Variants in TTLL7 observed in about 807,000 individuals in gnomAD.
TTLL7 encodes tubulin tyrosine ligase like 7, also known as tubulin polyglutamylase TTLL7.
Under a neutral mutation model 120.2 loss-of-function variants are expected in TTLL7, and 53 were observed. The ratio of observed to expected loss-of-function variants is 0.44; its 90% CI spans 0.35 to 0.55. The LOEUF (loss-of-function observed/expected upper bound fraction) is 0.55. Among genes scored for constraint, TTLL7 ranks in the 20% least tolerant of loss-of-function variants. TTLL7 has a pLI of 0.00. For missense variants in TTLL7, 803 were observed against 1,054.7 expected (o/e 0.76, Z 3.31); for synonymous variants, 353 against 351.7 (o/e 1.00, Z -0.04).
At chr1:83,890,273 T>C in intron 19 of TTLL7, 48 bp downstream of exon 19, 1 of 1,530,126 alleles carries the variant, frequency 6.5e-7, no homozygotes, top group South Asian at 1.3e-5. Flanking sequence ...TATAACTAAA[T>C]AGTAAAATAT....
At chr1:83,949,705 T>C in intron 4 of TTLL7, 160 bp downstream of exon 4, 1 of 680,794 alleles carries the variant, frequency 1.5e-6, no homozygotes, top group Non-Finnish European at 2.4e-6. Flanking sequence ...GCAGGCTTCA[T>C]GCAAAGAGCC....
intron 18 of TTLL7, among the ~76,000 whole-genome samples, chr1:83,900,836 T>C (rs1656659326): frequency 6.6e-6 from 1 of 152,064 alleles, no homozygotes; most frequent in African/African-American, 2.4e-5. Context: ...TTCTGTCTAA[T>C]AGCATAGCAA....
chr1:83,923,665 T>G (rs888720655), intron 10 of TTLL7, among the ~76,000 whole-genome samples: 1 of 152,170 alleles, frequency 6.6e-6, no homozygotes, highest in Non-Finnish European at 1.5e-5. Context: ...TTTCTGGCCC[T>G]TAGGAATATT....
At position 83,918,567 on chromosome 1, in the gene TTLL7, T is replaced by G. The variant is rs531606027; in HGVS notation, c.1501-877A>C. On this transcript the variant is annotated intron_variant, in intron 13 of 20. Coordinates refer to ENST00000260505, the MANE Select transcript of TTLL7 (RefSeq NM_024686.6). ...ATCCCAAAATACTCTTATTATACAT[T>G]TTTTATTAAATAATAATCTTACAAT... is the stretch of plus-strand genomic sequence containing the variant. Among the ~76,000 whole-genome samples, 3 of 152,272 alleles carry G rather than the reference T, an allele frequency of 2.0e-5. No individual in the cohort carries two copies. In the South Asian group the frequency reaches 6.2e-4, roughly 32 times the overall value.
chr1:83,979,859 T>C (rs1651803322), intron 1 of TTLL7: 1 of 152,208 alleles, frequency 6.6e-6, no homozygotes, highest in African/African-American at 2.4e-5. Context: ...CTTGCAGGAC[T>C]TGCTTATGGC....
chr1:83,957,279 C>G (rs1393343657), intron 1 of TTLL7, among the ~76,000 whole-genome samples: 1 of 152,160 alleles, frequency 6.6e-6, no homozygotes, highest in Non-Finnish European at 1.5e-5. Flanking sequence ...CCTTCTCCAG[C>G]AACCCTCAAT....
chr1:83,890,203 CATGCA>C (rs1655345229), intron 19 of TTLL7, 113 bp downstream of exon 19: 3 of 1,006,744 alleles, frequency 3.0e-6, no homozygotes, highest in Non-Finnish European at 4.3e-6. Context: ...CTAAACATTA[CATGCA>C]GTAAAAGAAA....
intron 1 of TTLL7, among the ~76,000 whole-genome samples, chr1:83,991,914 TG>T (rs1653038616): frequency 2.6e-5 from 4 of 152,162 alleles, no homozygotes; most frequent in Admixed American, 1.3e-4. Flanking sequence ...TCTAAGTCCT[TG>T]TAGGTTCTAA....
At chr1:83,970,004 CAT>C (rs1271170850) in intron 1 of TTLL7, among the ~76,000 whole-genome samples, 4 of 152,004 alleles carry the variant, frequency 2.6e-5, no homozygotes, top group East Asian at 1.9e-4. Flanking sequence ...ACCTGCTTCA[CAT>C]GTCACAATTT....
In TTLL7 at chr1:83,865,042, C is replaced by CT. The variant is rs1460956188; in HGVS notation, c.*4919dup. On this transcript the variant is annotated 3_prime_UTR_variant, in exon 21 of 21. Transcript: ENST00000260505. ...CATATTGTAGCTTTCTTAGGTTAAACTTTTTTATTATAGTAATGTATCAGA... is the reference window on the plus strand; with the variant it reads ...CATATTGTAGCTTTCTTAGGTTAAACTTTTTTTATTATAGTAATGTATCAGA... 6.7e-6 allele frequency: 1 copy of CT among 148,358 alleles called. No homozygotes were observed. Among genetic ancestry groups the CT allele is most frequent in the Admixed American group, 6.8e-5 (1 of 14,742 alleles). The allele number at this position is 148,358 out of a possible 1,614,324, so 9.2% of individuals were successfully genotyped here. A position where few individuals can be genotyped will look rare whatever the true frequency, so the allele number is the denominator to read the frequency against.
At chr1:83,887,158 CAG>C in intron 19 of TTLL7, 1 of 928,442 alleles carries the variant, frequency 1.1e-6, no homozygotes, top group Admixed American at 4.8e-5. Context: ...TGGAGGTAGA[CAG>C]GGGATGGTTT....
chr1:83,929,258 G>T, intron 9 of TTLL7, 28 bp from the exon 10 acceptor site: 1 of 1,519,418 alleles, frequency 6.6e-7, no homozygotes, highest in Non-Finnish European at 9.1e-7. Flanking sequence ...GACAATATTG[G>T]AAGGTAAATA....
At chr1:83,928,772 T>C (rs1242645099) in intron 10 of TTLL7, among the ~76,000 whole-genome samples, 1 of 152,098 alleles carries the variant, frequency 6.6e-6, no homozygotes, top group East Asian at 1.9e-4. Context: ...GAGGGTCTCT[T>C]AAAGTATTTA....
chr1:83,972,249 C>T (rs1651060591), intron 1 of TTLL7, among the ~76,000 whole-genome samples: 1 of 152,060 alleles, frequency 6.6e-6, no homozygotes, highest in African/African-American at 2.4e-5. Flanking sequence ...ATTATCTGTA[C>T]TCTGTCTGTT....
chr1:83,893,056 A>G (rs1471807469), intron 18 of TTLL7, among the ~76,000 whole-genome samples: 2 of 151,752 alleles, frequency 1.3e-5, no homozygotes, highest in African/African-American at 2.4e-5. Context: ...TATAATAACT[A>G]CCTGGGAAAT....
At chr1:83,900,681 G>A (rs1404131023) in intron 18 of TTLL7, among the ~76,000 whole-genome samples, 3 of 151,966 alleles carry the variant, frequency 2.0e-5, no homozygotes, top group Non-Finnish European at 4.4e-5. Flanking sequence ...GAATGCTTAT[G>A]TACAAAAATC....
At chr1:83,982,387 A>G (rs1297509051) in intron 1 of TTLL7, among the ~76,000 whole-genome samples, 2 of 152,108 alleles carry the variant, frequency 1.3e-5, no homozygotes, top group African/African-American at 2.4e-5. Flanking sequence ...AAAAAATCCA[A>G]AGTAGACAGA....
intron 15 of TTLL7, among the ~76,000 whole-genome samples, chr1:83,909,386 C>T (rs998720942): frequency 6.9e-6 from 1 of 145,758 alleles, no homozygotes; most frequent in African/African-American, 2.5e-5. Context: ...ACTTGCATAT[C>T]CCTTTGAAGC....
At chr1:83,880,192 C>T (rs940989816) in intron 20 of TTLL7, 4 of 152,004 alleles carry the variant, frequency 2.6e-5, no homozygotes, top group Admixed American at 6.6e-5. Context: ...CAATAATTTG[C>T]TTCAGTGAAA....
Sources: allele counts gnomAD v4.1 joint callset (sites outside exome capture counted in the v4.1 genomes callset), GRCh38; gene constraint gnomAD v4.1.1; transcripts MANE v1.5; gene names NCBI Gene and HGNC (gene_info 2026-07-23, HGNC 2026-07-21).